GRM4: variants seen among roughly 807,000 people sequenced by gnomAD.
The protein encoded by GRM4 is glutamate metabotropic receptor 4.
Under a neutral mutation model 81.7 loss-of-function variants are expected in GRM4, and 28 were observed. The observed-to-expected ratio is 0.34, with a 90% CI of 0.25 to 0.47. The LOEUF (loss-of-function observed/expected upper bound fraction) is 0.47. Among genes scored for constraint, GRM4 ranks in the 20% least tolerant of loss-of-function variants. GRM4 has a pLI of 1.00. For synonymous variants in GRM4, 488 were observed against 528.8 expected, an observed-to-expected ratio of 0.92 and a Z score of 1.06; for missense variants, 948 against 1,290.0, an observed-to-expected ratio of 0.73 and a Z score of 4.06.
rs542762864 is a variant in GRM4, at chr6:34,090,349, G to A, written c.736+1534C>T. Among the ~76,000 whole-genome samples, 39 of 152,312 alleles carry A rather than the reference G, an allele frequency of 2.6e-4. No individual in the cohort carries two copies. The highest frequency in any genetic ancestry group is 9.1e-4 in the African/African-American group (38 of 41,568). On this transcript the variant is annotated intron_variant, in intron 3 of 10. Transcript: ENST00000538487. The surrounding 1 kb of genome is among the most constrained non-coding windows in gnomAD (Gnocchi z 5.2). Reference sequence around the variant, plus strand: ...GGTTTGGGGAAGAGTTGAAGCCACAGAGGAGGAAAGGAGCCAGCAGAGCAG... The same window carrying A: ...GGTTTGGGGAAGAGTTGAAGCCACAAAGGAGGAAAGGAGCCAGCAGAGCAG...
At chr6:34,079,977 A>G (rs923755823) in intron 3 of GRM4, among the ~76,000 whole-genome samples, 2 of 151,954 alleles carry the variant, frequency 1.3e-5, no homozygotes, top group African/African-American at 4.8e-5. Context: ...CTCACCCAGA[A>G]CAAAAGCCAA....
intron 1 of GRM4, among the ~76,000 whole-genome samples, chr6:34,145,370 C>T (rs930390817): frequency 2.0e-5 from 3 of 152,116 alleles, no homozygotes; most frequent in Non-Finnish European, 2.9e-5. Flanking sequence ...TCGGCGGCAA[C>T]CCCTGCTCCT....
chr6:34,053,664 C>A (rs773104632), intron 6 of GRM4, among the ~76,000 whole-genome samples: 9 of 152,228 alleles, frequency 5.9e-5, no homozygotes, highest in Non-Finnish European at 1.0e-4. Flanking sequence ...GCGTCACCCA[C>A]CCTTCCCTCC....
intron 9 of GRM4, among the ~76,000 whole-genome samples, chr6:34,032,241 G>A (rs1254419022): frequency 2.0e-5 from 3 of 151,852 alleles, no homozygotes; most frequent in Non-Finnish European, 2.9e-5. Flanking sequence ...ACACACCTGT[G>A]CACACACACC....
chr6:34,098,866 A>T (rs1324355506), intron 2 of GRM4, among the ~76,000 whole-genome samples: 3 of 152,156 alleles, frequency 2.0e-5, no homozygotes, highest in Middle Eastern at 6.8e-3. Flanking sequence ...TTAGCTGCAG[A>T]GAGGGGGTGG....
In GRM4 at chr6:34,064,861, A is replaced by G. The variant is rs908459644; in HGVS notation, c.737-2833T>C. Among the ~76,000 whole-genome samples, 1 of 152,118 alleles carries G rather than the reference A, an allele frequency of 6.6e-6. No homozygotes were observed. The highest frequency in any genetic ancestry group is 1.5e-5 in the Non-Finnish European group (1 of 68,024). On this transcript the variant is annotated intron_variant, in intron 3 of 10. Coordinates refer to ENST00000538487, the MANE Select transcript of GRM4 (RefSeq NM_000841.4). This position sits in a 1 kb window ranked among gnomAD's most constrained non-coding sequence, Gnocchi z 4.4. ...CACATTAGCCGGTGCTAATATCCCC[A>G]TCTCACAGATGAGGAAACTGAGGCT...
rs145197080 is a variant in GRM4 at position 34,095,710 on chromosome 6, C to T, written c.520-3611G>A. ...CCTAGGACTCTCCCTCTCTGCCGGC[C>T]CCCTCCCATCACACACTCTCTCCAT... On this transcript the variant is annotated intron_variant, in intron 2 of 10. Coordinates refer to ENST00000538487, the MANE Select transcript of GRM4 (RefSeq NM_000841.4). Among the ~76,000 whole-genome samples the T allele has an allele frequency of 5.5e-3, 837 of 152,234 alleles. 9 individuals carry two copies. Among genetic ancestry groups the T allele is most frequent in the Middle Eastern group, 0.014 (4 of 294 alleles).
At position 34,022,780 on chromosome 6, in the gene GRM4, G is replaced by T; in HGVS notation, c.*41C>A. The T allele has an allele frequency of 6.3e-7, 1 of 1,578,794 alleles. No individual in the cohort carries two copies. The highest frequency in any genetic ancestry group is 8.7e-7 in the Non-Finnish European group (1 of 1,148,032). ...CCCTGGCCCGACGCACCTTCCACAGGGTCACGGCTCCTCCTCCTGCTGCTC... is the reference window on the plus strand; with the variant it reads ...CCCTGGCCCGACGCACCTTCCACAGTGTCACGGCTCCTCCTCCTGCTGCTC... On this transcript the variant is annotated 3_prime_UTR_variant, in exon 11 of 11. Coordinates refer to ENST00000538487, the MANE Select transcript of GRM4 (RefSeq NM_000841.4). This position sits in a 1 kb window ranked among gnomAD's most constrained non-coding sequence, Gnocchi z 5.6.
At chr6:34,072,699 C>T (rs578232199) in intron 3 of GRM4, among the ~76,000 whole-genome samples, 196 of 143,116 alleles carry the variant, frequency 1.4e-3, no homozygotes, top group South Asian at 4.8e-3. Context: ...CATACAGATA[C>T]GCACCACACA....
In GRM4 at chr6:34,092,094, G is replaced by A. The variant is rs1484650057; in HGVS notation, c.525C>T (p.Pro175=). Residue 175 remains proline, a synonymous_variant, in exon 3 of 11, where the codon CCC becomes CCT. Coordinates refer to ENST00000538487, the MANE Select transcript of GRM4 (RefSeq NM_000841.4). This position sits in a 1 kb window ranked among gnomAD's most constrained non-coding sequence, Gnocchi z 6.8. ...VANILRLFKI[P]QISYASTAPD... ...GCGCTGTGGAGGCGTAGCTGATCTGGGGTATCTGAGGGGCGAGAGGGGCTG... is the reference window on the plus strand; with the variant it reads ...GCGCTGTGGAGGCGTAGCTGATCTGAGGTATCTGAGGGGCGAGAGGGGCTG... 1 of 1,597,080 alleles carries A rather than the reference G, an allele frequency of 6.3e-7. No individual in the cohort carries two copies. Among genetic ancestry groups the A allele is most frequent in the East Asian group, 2.3e-5 (1 of 44,436 alleles).
rs1443892152 is a variant in GRM4, at chr6:34,047,918, A to G, written c.1169-7170T>C. 1.3e-5 allele frequency among the ~76,000 whole-genome samples: 2 copies of G among 152,166 alleles called. No individual in the cohort carries two copies. The highest frequency in any genetic ancestry group is 2.9e-5 in the Non-Finnish European group (2 of 68,028). Reference sequence around the variant, plus strand: ...TGAGCCAGCCACAGGCTCCTTTTGAAGGAAACCATTCTTGCAAACCCTCAA... The same window carrying G: ...TGAGCCAGCCACAGGCTCCTTTTGAGGGAAACCATTCTTGCAAACCCTCAA... On this transcript the variant is annotated intron_variant, in intron 6 of 10. Transcript: ENST00000538487. This position sits in a 1 kb window ranked among gnomAD's most constrained non-coding sequence, Gnocchi z 4.5.
chr6:34,044,045 CAT>C (rs1235822297), intron 6 of GRM4, among the ~76,000 whole-genome samples: 2 of 151,538 alleles, frequency 1.3e-5, no homozygotes, highest in African/African-American at 4.9e-5. Flanking sequence ...CACACACACA[CAT>C]AGACATACAT....
At chr6:34,046,110 C>T (rs1256635156) in intron 6 of GRM4, among the ~76,000 whole-genome samples, 1 of 152,196 alleles carries the variant, frequency 6.6e-6, no homozygotes, top group Admixed American at 6.5e-5. Context: ...AGCCCAGCCA[C>T]AATCCTCCAG....
At chr6:34,129,829 C>T (rs543669413) in intron 2 of GRM4, among the ~76,000 whole-genome samples, 49 of 152,254 alleles carry the variant, frequency 3.2e-4, no homozygotes, top group Middle Eastern at 6.8e-3. Context: ...ATATCCTGAC[C>T]CTGACTGCAC....
intron 1 of GRM4, among the ~76,000 whole-genome samples, chr6:34,153,985 G>A (rs545751997): frequency 1.9e-4 from 29 of 151,840 alleles, no homozygotes; most frequent in Non-Finnish European, 3.8e-4. Flanking sequence ...GGAGGCCAGC[G>A]CCAGGTCCAG....
rs1162590977 is a variant in GRM4, at chr6:34,048,435, T to C, written c.1169-7687A>G. 6.0e-5 allele frequency among the ~76,000 whole-genome samples: 9 copies of C among 148,824 alleles called. No homozygotes were observed. In the South Asian group the frequency reaches 2.0e-3, roughly 34 times the overall value. On this transcript the variant is annotated intron_variant, in intron 6 of 10. Transcript: ENST00000538487. The surrounding 1 kb of genome is among the most constrained non-coding windows in gnomAD (Gnocchi z 4.0). ...CTCGGCTGAGGAGCTGGGGCTCAGCTCTCCCACACAGGAGGGGCTGGGGCT... is the reference window on the plus strand; with the variant it reads ...CTCGGCTGAGGAGCTGGGGCTCAGCCCTCCCACACAGGAGGGGCTGGGGCT...
chr6:34,035,140 T>G lies in GRM4; in HGVS notation c.2442+528A>C. Among the ~76,000 whole-genome samples the G allele has an allele frequency of 6.7e-6, 1 of 149,680 alleles. No homozygotes were observed. Among genetic ancestry groups the G allele is most frequent in the African/African-American group, 2.5e-5 (1 of 40,632 alleles). On this transcript the variant is annotated intron_variant, in intron 9 of 10. Coordinates refer to ENST00000538487, the MANE Select transcript of GRM4 (RefSeq NM_000841.4). This position sits in a 1 kb window ranked among gnomAD's most constrained non-coding sequence, Gnocchi z 6.6. ...GGAGTGAACCAAAAGGAAGACAGGG[T>G]TGAGTAGGGAGAGAGGTAAGAGAAA...
intron 3 of GRM4, among the ~76,000 whole-genome samples, chr6:34,081,093 T>C (rs563586980): frequency 6.6e-6 from 1 of 152,216 alleles, no homozygotes; most frequent in South Asian, 2.1e-4. Context: ...GGGAACCAAA[T>C]TCTCCACTTA....
At chr6:34,028,060 C>T (rs1196311623) in intron 10 of GRM4, 60 bp downstream of exon 10, 2 of 1,539,638 alleles carry the variant, frequency 1.3e-6, no homozygotes, top group African/African-American at 2.7e-5. Context: ...GCTCAGCCCA[C>T]CTGCTGCAAA....
Sources: gnomAD v4.1 joint callset for allele counts (sites outside exome capture counted in the v4.1 genomes callset) on GRCh38, gnomAD v4.1.1 for gene constraint, Gnocchi (gnomAD v3.1) non-coding constraint, MANE v1.5 for transcripts, NCBI Gene and HGNC (gene_info 2026-07-23, HGNC 2026-07-21) for gene names.